Variants in SRRM3 observed in about 807,000 individuals in gnomAD.
SRRM3 encodes the protein serine/arginine repetitive matrix protein 3.
A neutral mutation model predicts 66.2 loss-of-function variants in SRRM3; 27 were observed. The ratio of observed to expected loss-of-function variants is 0.41; its 90% CI spans 0.30 to 0.56. The LOEUF is 0.56. Ranked by LOEUF, SRRM3 falls within the 20% of genes least tolerant of loss-of-function variation. The pLI is 0.32. For missense variants in SRRM3, 918 were observed against 991.9 expected, an observed-to-expected ratio of 0.93 and a Z score of 1.00; for synonymous variants, 391 against 414.9, an observed-to-expected ratio of 0.94 and a Z score of 0.70.
intron 1 of SRRM3, among the ~76,000 whole-genome samples, chr7:76,212,998 C>T (rs1394353101): frequency 1.4e-5 from 2 of 143,264 alleles, no homozygotes; most frequent in Non-Finnish European, 3.0e-5. Context: ...ACTTTACACC[C>T]CATTCCTTTT....
At chr7:76,233,794 C>A (rs1583889741) in intron 1 of SRRM3, among the ~76,000 whole-genome samples, 1 of 152,130 alleles carries the variant, frequency 6.6e-6, no homozygotes, top group African/African-American at 2.4e-5. Context: ...GCACTTGGGA[C>A]TCAGGGGGAA....
rs1554604666 is a variant in SRRM3, at chr7:76,235,178, G to T, written c.112G>T (p.Glu38Ter). The T allele has an allele frequency of 6.4e-7, 1 of 1,550,608 alleles. No individual in the cohort carries two copies. Among genetic ancestry groups the T allele is most frequent in the Non-Finnish European group, 8.6e-7 (1 of 1,156,250 alleles). The change falls in exon 2 of 15, where the codon GAG becomes TAG. Residue 38 changes from glutamate to a stop codon, truncating the protein, a stop_gained. Transcript: ENST00000611745. LOFTEE classifies it high-confidence loss of function. The part of the protein sequence containing the change: ...SSGTWPRAEE[E>*]LRAAEPGLVK... ...GGGGACCTGGCCGCGGGCGGAAGAG[G>T]AGCTGCGCGCCGCGGAGCCGGGCCT...
At chr7:76,237,789 C>G (rs558457354) in intron 2 of SRRM3, among the ~76,000 whole-genome samples, 2 of 151,618 alleles carry the variant, frequency 1.3e-5, no homozygotes, top group South Asian at 4.2e-4. Flanking sequence ...TCACTAAGTC[C>G]CCTCCTCTTC....
chr7:76,215,729 A>G (rs1474494077), intron 1 of SRRM3, among the ~76,000 whole-genome samples: 2 of 145,486 alleles, frequency 1.4e-5, no homozygotes, highest in African/African-American at 5.2e-5. Flanking sequence ...CCAGGTTCAA[A>G]TGTTCTCCTG....
chr7:76,285,603 TC>T lies in SRRM3; in HGVS notation c.1734-11del, dbSNP rs1802642790. 1 of 1,545,946 alleles carries T rather than the reference TC, an allele frequency of 6.5e-7. No homozygotes were observed. The highest frequency in any genetic ancestry group is 1.4e-5 in the African/African-American group (1 of 72,896). The stretch of plus-strand genomic sequence containing the variant: ...CTGGGATGGCCTGTAATCAGCTTTT[TC>T]TTCCCGGCAGCGCCCGCAAGCGTCC... On this transcript the variant is annotated splice_polypyrimidine_tract_variant and intron_variant, in intron 14 of 14. Transcript: ENST00000611745. This position sits in a 1 kb window ranked among gnomAD's most constrained non-coding sequence, Gnocchi z 4.1.
At chr7:76,217,765 C>G (rs1800606671) in intron 1 of SRRM3, among the ~76,000 whole-genome samples, 1 of 152,060 alleles carries the variant, frequency 6.6e-6, no homozygotes, top group Non-Finnish European at 1.5e-5. Flanking sequence ...CAGTTCTGGC[C>G]CTTGTTCCAG....
intron 1 of SRRM3, among the ~76,000 whole-genome samples, chr7:76,233,181 C>A (rs1386365774): frequency 6.6e-6 from 1 of 152,152 alleles, no homozygotes; most frequent in Non-Finnish European, 1.5e-5. Context: ...TATGGTGGCA[C>A]ATGCCTGTAG....
At chr7:76,264,741 C>A (rs782002745) in intron 8 of SRRM3, 24 bp from the exon 9 acceptor site, 2 of 1,613,454 alleles carry the variant, frequency 1.2e-6, no homozygotes, top group South Asian at 1.1e-5. Flanking sequence ...GCCACACCAT[C>A]ACTGTGGTCT....
intron 3 of SRRM3, among the ~76,000 whole-genome samples, chr7:76,251,310 TAAACTAGTTAGC>T (rs1194069183): frequency 6.6e-6 from 1 of 151,820 alleles, no homozygotes; most frequent in Non-Finnish European, 1.5e-5. Flanking sequence ...TGATCAGGAG[TAAACTAGTTAGC>T]AAACATGAAT....
At chr7:76,281,337 TTTCA>T (rs1393731659) in intron 11 of SRRM3, 100 bp from the exon 12 acceptor site, 2 of 848,772 alleles carry the variant, frequency 2.4e-6, no homozygotes, top group African/African-American at 3.7e-5. Context: ...TGTCTCTTTC[TTTCA>T]ATCTCTCTCT....
chr7:76,249,428 G>A (rs782651263), intron 3 of SRRM3, among the ~76,000 whole-genome samples: 3 of 151,728 alleles, frequency 2.0e-5, no homozygotes, highest in African/African-American at 4.8e-5. Flanking sequence ...CGCCTCTGCC[G>A]CCTGTCACAG....
At chr7:76,238,202 G>C (rs1374578829) in intron 2 of SRRM3, among the ~76,000 whole-genome samples, 2 of 152,142 alleles carry the variant, frequency 1.3e-5, no homozygotes, top group Admixed American at 1.3e-4. Context: ...TGGAAAATAG[G>C]GGCACCTGTG....
chr7:76,244,211 G>T (rs929577037), intron 2 of SRRM3, among the ~76,000 whole-genome samples: 1 of 152,166 alleles, frequency 6.6e-6, no homozygotes, highest in African/African-American at 2.4e-5. Context: ...CTAGCTGGGG[G>T]TCAGGGGACA....
At chr7:76,241,207 T>C (rs375170697) in intron 2 of SRRM3, among the ~76,000 whole-genome samples, 83 of 152,220 alleles carry the variant, frequency 5.5e-4, no homozygotes, top group African/African-American at 1.8e-3. Flanking sequence ...TAGAAACCCT[T>C]GACTTTGAGT....
intron 11 of SRRM3, among the ~76,000 whole-genome samples, chr7:76,279,758 C>T (rs1802447415): frequency 6.6e-6 from 1 of 152,178 alleles, no homozygotes; most frequent in East Asian, 1.9e-4. Context: ...CCAACCAGGG[C>T]CCTTTTGATG....
chr7:76,249,927 G>T (rs1461237164), intron 3 of SRRM3, among the ~76,000 whole-genome samples: 4 of 151,922 alleles, frequency 2.6e-5, no homozygotes, highest in Non-Finnish European at 5.9e-5. Context: ...ATGGGTAAAG[G>T]TCTCTTAAAC....
chr7:76,225,501 A>G (rs1239779989), intron 1 of SRRM3, among the ~76,000 whole-genome samples: 2 of 138,546 alleles, frequency 1.4e-5, no homozygotes, highest in Non-Finnish European at 3.0e-5. Flanking sequence ...CCGGCAAAAG[A>G]GGCTTCTCAG....
intron 1 of SRRM3, among the ~76,000 whole-genome samples, chr7:76,234,614 G>A (rs1034225577): frequency 1.3e-5 from 2 of 152,140 alleles, no homozygotes; most frequent in Admixed American, 1.3e-4. Flanking sequence ...TGGGCCTGGT[G>A]TGTGCGTAAA....
intron 2 of SRRM3, among the ~76,000 whole-genome samples, chr7:76,240,619 CAA>C (rs200938394): frequency 0.058 from 5,281 of 91,758 alleles, 191 homozygotes; most frequent in African/African-American, 0.13. Context: ...GACTCCATCT[CAA>C]AAAAAAAAAA....
Sources: gnomAD v4.1 joint callset for allele counts (sites outside exome capture counted in the v4.1 genomes callset) on GRCh38, gnomAD v4.1.1 for gene constraint, Gnocchi (gnomAD v3.1) non-coding constraint, MANE v1.5 for transcripts, NCBI Gene and HGNC (gene_info 2026-07-23, HGNC 2026-07-21) for gene names.